Variants in C8orf34 observed in about 807,000 individuals in gnomAD.
C8orf34 encodes uncharacterized protein C8orf34.
C8orf34 carries 65 observed loss-of-function variants against 68.3 expected under a neutral mutation model. The ratio of observed to expected loss-of-function variants is 0.95; its 90% CI spans 0.78 to 1.17. The LOEUF (loss-of-function observed/expected upper bound fraction) is 1.17, where lower values mean the gene tolerates loss of function less well. Ranked by LOEUF, C8orf34 falls within the 50% of genes most tolerant of loss-of-function variation. C8orf34 has a pLI of 0.00. For synonymous variants in C8orf34, 244 were observed against 241.2 expected (o/e 1.01, Z -0.11); for missense variants, 664 against 655.4 (o/e 1.01, Z -0.14).
At chr8:68,703,330 A>T (rs1178534093) in intron 8 of C8orf34, among the ~76,000 whole-genome samples, 2 of 152,142 alleles carry the variant, frequency 1.3e-5, no homozygotes, top group Non-Finnish European at 2.9e-5. Flanking sequence ...CTCTAGCAAG[A>T]TCTCACTGGC....
At chr8:68,717,269 ATATT>A (rs1171830862) in intron 9 of C8orf34, among the ~76,000 whole-genome samples, 3 of 152,146 alleles carry the variant, frequency 2.0e-5, no homozygotes, top group Non-Finnish European at 2.9e-5. Flanking sequence ...TGACAAAACT[ATATT>A]TAAAGACAGG....
At chr8:68,340,157 G>A (rs1014365314) in intron 1 of C8orf34, among the ~76,000 whole-genome samples, 13 of 152,198 alleles carry the variant, frequency 8.5e-5, no homozygotes, top group Non-Finnish European at 1.6e-4. Flanking sequence ...TATACTGACA[G>A]TGGGAATGCA....
At chr8:68,687,548 C>T (rs1820557880) in intron 8 of C8orf34, among the ~76,000 whole-genome samples, 1 of 151,978 alleles carries the variant, frequency 6.6e-6, no homozygotes, top group African/African-American at 2.4e-5. Context: ...GCTGGGAAAA[C>T]TGGCAAGCCA....
At chr8:68,530,663 C>T (rs1815205383) in intron 6 of C8orf34, 1 of 1,158,108 alleles carries the variant, frequency 8.6e-7, no homozygotes, top group African/African-American at 1.6e-5. Flanking sequence ...AAATAAACTT[C>T]TTCCTTCCAT....
chr8:68,382,573 C>T (rs1015134310), intron 1 of C8orf34, among the ~76,000 whole-genome samples: 5 of 152,100 alleles, frequency 3.3e-5, no homozygotes, highest in African/African-American at 1.2e-4. Context: ...TTTCTATTTC[C>T]CATCATTCCT....
chr8:68,776,538 T>A (rs1042387391), intron 11 of C8orf34, 89 bp downstream of exon 11: 35 of 985,970 alleles, frequency 3.5e-5, no homozygotes, highest in Non-Finnish European at 5.4e-5. Flanking sequence ...CATCTACTTG[T>A]AGGGTTTCTA....
Position 68,675,956 on chromosome 8 carries a change from A to T in C8orf34, c.1242-33038A>T, listed in dbSNP as rs368557374. 4.2e-4 allele frequency among the ~76,000 whole-genome samples: 64 copies of T among 152,316 alleles called. No homozygotes were observed. The East Asian group carries it at 0.011, about 26-fold the overall frequency. ...GAGTAGCTATACTTAGACAAAATCGATCTCAGGACAAGGCCTATAAAAAGA... is the reference window on the plus strand; with the variant it reads ...GAGTAGCTATACTTAGACAAAATCGTTCTCAGGACAAGGCCTATAAAAAGA... On this transcript the variant is annotated intron_variant, in intron 8 of 13. Coordinates refer to ENST00000518698, the MANE Select transcript of C8orf34 (RefSeq NM_052958.4).
chr8:68,673,626 C>T (rs1388464728), intron 8 of C8orf34, among the ~76,000 whole-genome samples: 1 of 152,150 alleles, frequency 6.6e-6, no homozygotes, highest in Non-Finnish European at 1.5e-5. Context: ...CAGTAGAATA[C>T]AGCACCAAGT....
intron 1 of C8orf34, among the ~76,000 whole-genome samples, chr8:68,389,212 G>T: frequency 6.6e-6 from 1 of 152,146 alleles, no homozygotes; most frequent in South Asian, 2.1e-4. Context: ...TGAATAAAAA[G>T]CACAGTAAGT....
intron 7 of C8orf34, among the ~76,000 whole-genome samples, chr8:68,576,977 G>A (rs1354265663): frequency 1.3e-5 from 2 of 151,826 alleles, no homozygotes; most frequent in African/African-American, 4.8e-5. Flanking sequence ...AGCTGATTAT[G>A]TATAATATTT....
In C8orf34 at chr8:68,709,079, G is replaced by A. The variant is rs747210088; in HGVS notation, c.1327G>A (p.Asp443Asn). Residue 443 changes from aspartate (D) to asparagine (N), a missense_variant and splice_region_variant, in exon 9 of 14, where the codon GAT becomes AAT. Asp to Asn is a conservative substitution (Grantham distance 23). Coordinates refer to ENST00000518698, the MANE Select transcript of C8orf34 (RefSeq NM_052958.4). ...SPDEKIPDSF[D>N]SLPGTEEALM... ...AGATGAAAAAATCCCAGATTCATTC[G>A]GTAAGTTTTAAGTCCAACAATATTT... is the stretch of plus-strand genomic sequence containing the variant. 33 of 1,608,104 alleles carry A rather than the reference G, an allele frequency of 2.1e-5. No individual in the cohort carries two copies. The highest frequency in any genetic ancestry group is 1.3e-4 in the South Asian group (12 of 90,694).
intron 12 of C8orf34, among the ~76,000 whole-genome samples, chr8:68,788,800 A>G (rs2129529045): frequency 6.6e-6 from 1 of 152,244 alleles, no homozygotes; most frequent in East Asian, 1.9e-4. Context: ...CGGAGGTTGC[A>G]GTAAGCCGAG....
chr8:68,350,292 G>T (rs1178523448), intron 1 of C8orf34, among the ~76,000 whole-genome samples: 1 of 151,664 alleles, frequency 6.6e-6, no homozygotes, highest in Non-Finnish European at 1.5e-5. Context: ...TGTGGTCATA[G>T]AGTGTGTTTG....
chr8:68,563,759 A>G (rs73268481), intron 7 of C8orf34, among the ~76,000 whole-genome samples: 33,086 of 152,124 alleles, frequency 0.22, 4,776 homozygotes, highest in African/African-American at 0.42. Context: ...TTCTGTCCTC[A>G]AAATTTTCAT....
intron 4 of C8orf34, among the ~76,000 whole-genome samples, chr8:68,469,931 T>TG (rs1812310421): frequency 1.1e-5 from 1 of 94,862 alleles, no homozygotes; most frequent in African/African-American, 4.0e-5. Flanking sequence ...CATTTGGTAT[T>TG]TTGTGTGTGT....
At chr8:68,753,515 G>A (rs959223990) in intron 10 of C8orf34, among the ~76,000 whole-genome samples, 5 of 152,196 alleles carry the variant, frequency 3.3e-5, no homozygotes, top group Admixed American at 6.5e-5. Context: ...GATTGGAAGA[G>A]TTAGATAAGA....
intron 8 of C8orf34, among the ~76,000 whole-genome samples, chr8:68,668,917 G>A (rs1289237956): frequency 6.6e-6 from 1 of 152,132 alleles, no homozygotes; most frequent in Non-Finnish European, 1.5e-5. Context: ...CCTCCAATGA[G>A]CTTGAAAGCA....
chr8:68,695,566 CAG>C (rs1226224489), intron 8 of C8orf34: 1 of 152,144 alleles, frequency 6.6e-6, no homozygotes, highest in Admixed American at 6.6e-5. Context: ...TACTGAAATA[CAG>C]AGAGTGTTAC....
chr8:68,808,866 C>T (rs1824563707), intron 12 of C8orf34, among the ~76,000 whole-genome samples: 1 of 152,146 alleles, frequency 6.6e-6, no homozygotes, highest in Admixed American at 6.5e-5. Flanking sequence ...TTTACTTTTA[C>T]TGATGTAATT....
Sources: allele counts gnomAD v4.1 joint callset (sites outside exome capture counted in the v4.1 genomes callset), GRCh38; gene constraint gnomAD v4.1.1; transcripts MANE v1.5; gene names NCBI Gene and HGNC (gene_info 2026-07-23, HGNC 2026-07-21).